Variants in MROH9 observed in about 807,000 individuals in gnomAD.
MROH9 encodes maestro heat-like repeat-containing protein family member 9.
MROH9 carries 92 observed loss-of-function variants against 98.2 expected under a neutral mutation model. The observed-to-expected ratio is 0.94, with a 90% CI of 0.79 to 1.11. The LOEUF (loss-of-function observed/expected upper bound fraction) is 1.11. MROH9 is among the 50% of genes most tolerant of loss of function. The pLI, the probability that MROH9 is intolerant of heterozygous loss-of-function variation, is 0.00. For missense variants in MROH9, 1,057 were observed against 1,014.8 expected (o/e 1.04, Z -0.57); for synonymous variants, 397 against 368.9 (o/e 1.08, Z -0.87).
chr1:171,008,553 T>C (rs945851496), intron 15 of MROH9, among the ~76,000 whole-genome samples: 1 of 152,264 alleles, frequency 6.6e-6, no homozygotes, highest in Non-Finnish European at 1.5e-5. Context: ...GGAAGAAGGC[T>C]GTAGTTAAAA....
chr1:170,977,078 AG>A (rs1414909752), intron 8 of MROH9, among the ~76,000 whole-genome samples: 4 of 151,970 alleles, frequency 2.6e-5, no homozygotes, highest in Non-Finnish European at 4.4e-5. Context: ...TGTGTTTTTC[AG>A]CTCTATCAGG....
intron 20 of MROH9, among the ~76,000 whole-genome samples, chr1:171,058,175 A>C (rs1653904977): frequency 6.6e-6 from 1 of 152,140 alleles, no homozygotes; most frequent in African/African-American, 2.4e-5. Flanking sequence ...CAAATATTAC[A>C]AGCATTTCTT....
intron 20 of MROH9, among the ~76,000 whole-genome samples, chr1:171,038,094 G>C (rs554297439): frequency 6.6e-6 from 1 of 151,842 alleles, no homozygotes; most frequent in African/African-American, 2.4e-5. Context: ...AAAATGAAAC[G>C]GTATTGCAAA....
chr1:170,940,199 A>C (rs1400101414), intron 1 of MROH9, among the ~76,000 whole-genome samples: 1 of 152,200 alleles, frequency 6.6e-6, no homozygotes, highest in Admixed American at 6.5e-5. Flanking sequence ...CTTTAACCTT[A>C]GAAGGGATAT....
Position 171,024,472 on chromosome 1 carries a change from G to A in MROH9, c.1986G>A (p.Met662Ile), listed in dbSNP as rs758862476. ...LVRDMRQYTW[M>I]VNDVVLEGLV... Reference sequence around the variant, plus strand: ...GGGATATGAGACAGTACACATGGATGGTGAATGATGTGGTTCTAGAAGGCT... The same window carrying A: ...GGGATATGAGACAGTACACATGGATAGTGAATGATGTGGTTCTAGAAGGCT... Residue 662 changes from methionine to isoleucine, a missense_variant, in exon 18 of 22, where the codon ATG (methionine) becomes ATA (isoleucine). Transcript: ENST00000367759. The A allele has an allele frequency of 3.9e-6, 6 of 1,550,160 alleles. No individual in the cohort carries two copies. The East Asian group carries it at 9.8e-5, about 25-fold the overall frequency.
chr1:170,996,203 C>T (rs965889988), intron 13 of MROH9, among the ~76,000 whole-genome samples: 2 of 152,100 alleles, frequency 1.3e-5, no homozygotes, highest in Admixed American at 6.6e-5. Context: ...ACATCTTTAG[C>T]AAGTCATTGC....
chr1:171,050,274 A>T (rs66583062), intron 20 of MROH9, among the ~76,000 whole-genome samples: 2 of 152,036 alleles, frequency 1.3e-5, no homozygotes, highest in Non-Finnish European at 2.9e-5. Context: ...TCTTATTTAA[A>T]TCTTTAACAT....
chr1:171,019,436 G>T (rs1436266710), intron 17 of MROH9, among the ~76,000 whole-genome samples: 1 of 151,996 alleles, frequency 6.6e-6, no homozygotes, highest in Non-Finnish European at 1.5e-5. Context: ...GGTGGATCAC[G>T]AGATCAAGAG....
chr1:170,946,835 T>G (rs1017860569), intron 2 of MROH9, among the ~76,000 whole-genome samples: 1 of 152,038 alleles, frequency 6.6e-6, no homozygotes, highest in Non-Finnish European at 1.5e-5. Context: ...CAGTAACTGA[T>G]AACTCCATTT....
intron 20 of MROH9, among the ~76,000 whole-genome samples, chr1:171,056,307 C>T (rs1444654160): frequency 6.6e-6 from 1 of 152,180 alleles, no homozygotes; most frequent in African/African-American, 2.4e-5. Flanking sequence ...CTGCTGGAAC[C>T]AGTAGGGCTG....
intron 17 of MROH9, 100 bp from the exon 18 acceptor site, chr1:171,024,295 T>G: frequency 2.6e-6 from 2 of 781,776 alleles, no homozygotes; most frequent in Non-Finnish European, 4.0e-6. Context: ...TATAGTATAT[T>G]TATATGGGGT....
At chr1:171,048,090 T>C (rs1242504894) in intron 20 of MROH9, among the ~76,000 whole-genome samples, 2 of 152,186 alleles carry the variant, frequency 1.3e-5, no homozygotes, top group African/African-American at 2.4e-5. Context: ...CCACTCTGAC[T>C]GCACTGGGTC....
intron 10 of MROH9, among the ~76,000 whole-genome samples, chr1:170,987,977 C>T (rs1651213717): frequency 1.3e-5 from 2 of 152,162 alleles, no homozygotes; most frequent in African/African-American, 4.8e-5. Flanking sequence ...CATCATCGGT[C>T]CCCTGGCATT....
At chr1:171,014,944 T>C (rs1652278612) in intron 16 of MROH9, 7 of 471,034 alleles carry the variant, frequency 1.5e-5, no homozygotes, top group South Asian at 1.1e-4. Context: ...TTATTCAAGT[T>C]AAAGCTGAGA....
At chr1:171,017,271 T>C (rs1046353813) in intron 17 of MROH9, among the ~76,000 whole-genome samples, 47 of 152,188 alleles carry the variant, frequency 3.1e-4, no homozygotes, top group Middle Eastern at 3.2e-3. Flanking sequence ...CAGAACTGAC[T>C]AGGCAGCGGG....
At chr1:171,007,162 T>C (rs1651988272) in intron 15 of MROH9, among the ~76,000 whole-genome samples, 1 of 152,164 alleles carries the variant, frequency 6.6e-6, no homozygotes, top group Non-Finnish European at 1.5e-5. Flanking sequence ...GCCTCCAGAA[T>C]TGTAGGTTAG....
chr1:170,938,232 T>G (rs995840944), intron 1 of MROH9, among the ~76,000 whole-genome samples: 1 of 152,164 alleles, frequency 6.6e-6, no homozygotes, highest in Admixed American at 6.5e-5. Context: ...TGTCCCCTGA[T>G]GGAAGAATTC....
intron 10 of MROH9, among the ~76,000 whole-genome samples, 162 bp downstream of exon 10, chr1:170,986,872 A>G (rs1257317833): frequency 6.6e-6 from 1 of 152,056 alleles, no homozygotes; most frequent in Non-Finnish European, 1.5e-5. Context: ...TTACTTAGAG[A>G]CAGGGTCTTG....
At chr1:170,961,547 T>G (rs1411531813) in intron 5 of MROH9, among the ~76,000 whole-genome samples, 2 of 152,154 alleles carry the variant, frequency 1.3e-5, no homozygotes, top group Non-Finnish European at 2.9e-5. Context: ...AAAATTAAAT[T>G]TATAGCTTTT....
Sources: allele counts gnomAD v4.1 joint callset (sites outside exome capture counted in the v4.1 genomes callset), GRCh38; gene constraint gnomAD v4.1.1; transcripts MANE v1.5; gene names NCBI Gene and HGNC (gene_info 2026-07-23, HGNC 2026-07-21).